Variants in PPP3CC observed in about 807,000 individuals in gnomAD.
PPP3CC encodes protein phosphatase 3 catalytic subunit gamma.
In PPP3CC, 35 loss-of-function variants were observed where a neutral mutation model predicts 60.3. That is an observed-to-expected ratio of 0.58 (90% CI 0.44 to 0.77). The LOEUF (loss-of-function observed/expected upper bound fraction) is 0.77, where lower values mean the gene tolerates loss of function less well. PPP3CC is among the 30% of genes least tolerant of loss of function. The pLI, the probability that PPP3CC is intolerant of heterozygous loss-of-function variation, is 0.00. For synonymous variants in PPP3CC, 206 were observed against 224.3 expected, an observed-to-expected ratio of 0.92 and a Z score of 0.73; for missense variants, 570 against 628.9, an observed-to-expected ratio of 0.91 and a Z score of 1.00.
chr8:22,529,200 T>A (rs148487707), intron 10 of PPP3CC, among the ~76,000 whole-genome samples: 149 of 152,332 alleles, frequency 9.8e-4, no homozygotes, highest in Middle Eastern at 3.4e-3. Flanking sequence ...TTCCATAGGA[T>A]GAATTTGTAG....
intron 13 of PPP3CC, 90 bp from the exon 14 acceptor site, chr8:22,540,525 G>A: frequency 4.0e-6 from 5 of 1,263,098 alleles, no homozygotes; most frequent in Non-Finnish European, 5.5e-6. Flanking sequence ...TGTTTCTCTA[G>A]GAGGTTGCTG....
At chr8:22,483,173 C>T (rs1190766207) in intron 3 of PPP3CC, among the ~76,000 whole-genome samples, 2 of 152,096 alleles carry the variant, frequency 1.3e-5, no homozygotes, top group Non-Finnish European at 2.9e-5. Context: ...TAAGAAAAGC[C>T]CTGTTCTACA....
chr8:22,540,853 T>C lies in PPP3CC; in HGVS notation c.*51T>C. On this transcript the variant is annotated 3_prime_UTR_variant, in exon 14 of 14. Coordinates refer to ENST00000240139, the MANE Select transcript of PPP3CC (RefSeq NM_005605.5). ...GGATCTAAAACTCAAGAACAAATTC[T>C]ATTTATTTATTATTGGAAAATGAAA... 1 of 1,407,110 alleles carries C rather than the reference T, an allele frequency of 7.1e-7. No individual in the cohort carries two copies. Among genetic ancestry groups the C allele is most frequent in the Non-Finnish European group, 9.4e-7 (1 of 1,066,504 alleles). 87.2% of individuals were successfully genotyped at this position (1,407,110 alleles called of 1,614,324 possible).
At chr8:22,481,087 A>G (rs1207344916) in intron 3 of PPP3CC, among the ~76,000 whole-genome samples, 4 of 152,130 alleles carry the variant, frequency 2.6e-5, no homozygotes, top group Admixed American at 6.6e-5. Context: ...GTAATCCCAC[A>G]CTTGGGGAGG....
At chr8:22,470,077 C>CACACACACAT (rs1554530755) in intron 1 of PPP3CC, among the ~76,000 whole-genome samples, 3 of 151,526 alleles carry the variant, frequency 2.0e-5, no homozygotes, top group African/African-American at 7.3e-5. Flanking sequence ...CACACACACA[C>CACACACACAT]ACACACACAT....
chr8:22,453,056 T>G (rs1288693988), intron 1 of PPP3CC, among the ~76,000 whole-genome samples: 1 of 152,092 alleles, frequency 6.6e-6, no homozygotes, highest in East Asian at 1.9e-4. Context: ...TAAGAAAGAG[T>G]ACAGACTCTG....
At chr8:22,466,841 C>T (rs1170668218) in intron 1 of PPP3CC, among the ~76,000 whole-genome samples, 2 of 152,102 alleles carry the variant, frequency 1.3e-5, no homozygotes, top group Non-Finnish European at 2.9e-5. Context: ...TATTGGGTTC[C>T]AGAGATCCTT....
At chr8:22,521,834 G>GT (rs893609397) in intron 6 of PPP3CC, among the ~76,000 whole-genome samples, 48 of 151,852 alleles carry the variant, frequency 3.2e-4, no homozygotes, top group African/African-American at 1.2e-3. Flanking sequence ...TGAGAATATT[G>GT]TATCTTTTTT....
intron 4 of PPP3CC, among the ~76,000 whole-genome samples, chr8:22,498,486 A>G (rs1451996669): frequency 1.3e-5 from 2 of 152,180 alleles, no homozygotes; most frequent in East Asian, 3.8e-4. Context: ...CATGCCACTT[A>G]GAGGTAATCA....
At position 22,541,080 on chromosome 8, in the gene PPP3CC, T is replaced by C. The variant is rs1165172216; in HGVS notation, c.*278T>C. 1 of 210,078 alleles carries C rather than the reference T, an allele frequency of 4.8e-6. No individual in the cohort carries two copies. The highest frequency in any genetic ancestry group is 9.3e-6 in the Non-Finnish European group (1 of 107,166). The allele number at this position is 210,078 out of a possible 1,614,324, so 13.0% of individuals were successfully genotyped here. The stretch of plus-strand genomic sequence containing the variant: ...TCAACACATTTGTGAAGTCTTGTGC[T>C]ATAAAGGGGAACTTCCCCTAATAAA... On this transcript the variant is annotated 3_prime_UTR_variant, in exon 14 of 14. Transcript: ENST00000240139.
Position 22,475,688 on chromosome 8 carries a change from C to G in PPP3CC, c.372+64C>G, listed in dbSNP as rs79115070. On this transcript the variant is annotated intron_variant, in intron 3 of 13. Coordinates refer to ENST00000240139, the MANE Select transcript of PPP3CC (RefSeq NM_005605.5). ...TCTTTCAAAAAAGATGATTTCCATTCTTCAGTAGAAGAAATTAAAATGAGA... is the reference window on the plus strand; with the variant it reads ...TCTTTCAAAAAAGATGATTTCCATTGTTCAGTAGAAGAAATTAAAATGAGA... The G allele has an allele frequency of 8.4e-3, 12,006 of 1,429,776 alleles. 846 individuals carry two copies. The African/African-American group carries it at 0.15, about 18-fold the overall frequency. The allele number at this position is 1,429,776 out of a possible 1,614,324, so 88.6% of individuals were successfully genotyped here. A position where few individuals can be genotyped will look rare whatever the true frequency, so the allele number is the denominator to read the frequency against.
chr8:22,446,341 C>G (rs1257220860), intron 1 of PPP3CC, among the ~76,000 whole-genome samples: 1 of 151,902 alleles, frequency 6.6e-6, no homozygotes, highest in Non-Finnish European at 1.5e-5. Flanking sequence ...ATTCTGGCGT[C>G]TAACGTCATA....
chr8:22,447,775 A>G (rs1836876273), intron 1 of PPP3CC, among the ~76,000 whole-genome samples: 2 of 152,104 alleles, frequency 1.3e-5, no homozygotes, highest in South Asian at 2.1e-4. Flanking sequence ...CCCATATTCA[A>G]TTTTGTTTTG....
At chr8:22,452,849 A>G (rs1458850314) in intron 1 of PPP3CC, among the ~76,000 whole-genome samples, 3 of 152,224 alleles carry the variant, frequency 2.0e-5, no homozygotes, top group South Asian at 2.1e-4. Context: ...ACTGTCTCCT[A>G]TGAGCTCCCA....
intron 3 of PPP3CC, among the ~76,000 whole-genome samples, chr8:22,488,263 G>A (rs1453360546): frequency 6.6e-6 from 1 of 152,118 alleles, no homozygotes; most frequent in Non-Finnish European, 1.5e-5. Context: ...TCTTGGTAAT[G>A]AAATTTAACC....
At chr8:22,460,442 T>A (rs1473279177) in intron 1 of PPP3CC, among the ~76,000 whole-genome samples, 1 of 151,048 alleles carries the variant, frequency 6.6e-6, no homozygotes, top group Non-Finnish European at 1.5e-5. Flanking sequence ...TTTTCCCATC[T>A]TGGCCCCCTG....
chr8:22,464,161 T>G lies in PPP3CC; in HGVS notation c.50-10793T>G, dbSNP rs189809048. On this transcript the variant is annotated intron_variant, in intron 1 of 13. Transcript: ENST00000240139. Reference sequence around the variant, plus strand: ...TTAACTTTCCTTATGATTTGTGAGGTTTTTTTTTCCCTTTAACCCAAATTT... The same window carrying G: ...TTAACTTTCCTTATGATTTGTGAGGGTTTTTTTTCCCTTTAACCCAAATTT... 3.3e-3 allele frequency among the ~76,000 whole-genome samples: 482 copies of G among 147,856 alleles called. 3 individuals are homozygous for G. Among genetic ancestry groups the G allele is most frequent in the African/African-American group, 0.012 (454 of 38,022 alleles).
chr8:22,452,678 A>G (rs767456018), intron 1 of PPP3CC, among the ~76,000 whole-genome samples: 6 of 152,196 alleles, frequency 3.9e-5, no homozygotes, highest in South Asian at 2.1e-4. Context: ...TTAGTGATGC[A>G]TGACCTTAGA....
intron 4 of PPP3CC, among the ~76,000 whole-genome samples, chr8:22,504,280 TTTTC>T (rs1838847693): frequency 6.6e-6 from 1 of 152,192 alleles, no homozygotes; most frequent in South Asian, 2.1e-4. Context: ...AACATTTATT[TTTTC>T]TTTGTCTAAC....
Sources: allele counts gnomAD v4.1 joint callset (sites outside exome capture counted in the v4.1 genomes callset), GRCh38; gene constraint gnomAD v4.1.1; transcripts MANE v1.5; gene names NCBI Gene and HGNC (gene_info 2026-07-23, HGNC 2026-07-21).